Variants in AQR observed in about 807,000 individuals in gnomAD.
AQR encodes the protein RNA helicase aquarius.
In AQR, 61 loss-of-function variants were observed where a neutral mutation model predicts 180.5. That is an observed-to-expected ratio of 0.34 (90% confidence interval 0.28 to 0.42). The LOEUF is 0.42. Among genes scored for constraint, AQR ranks in the 10% least tolerant of loss-of-function variants. AQR has a pLI of 1.00. For missense variants in AQR, 1,281 were observed against 1,798.3 expected, an observed-to-expected ratio of 0.71 and a Z score of 5.20; for synonymous variants, 551 against 588.8, an observed-to-expected ratio of 0.94 and a Z score of 0.93.
chr15:34,893,755 T>C lies in AQR; in HGVS notation c.2479A>G (p.Thr827Ala). The change falls in exon 23 of 35, where the codon ACA (threonine) becomes GCA (alanine). Residue 827 changes from threonine to alanine, a missense_variant. Physicochemically the swap from Thr to Ala is moderately conservative, Grantham distance 58. Around this residue, in one of 9 missense-constraint regions of AQR, gnomAD observed 31 missense variants for 95.5 expected, o/e 0.32. Transcript: ENST00000156471. ...GLTMVVGPPG[T>A]GKTDVAVQII... is the part of the protein sequence containing the mutation. Reference sequence around the variant, plus strand: ...TGAACTGCCACATCTGTTTTGCCTGTACCAGGTGGGCCCACAACCTAAAAA... The same window carrying C: ...TGAACTGCCACATCTGTTTTGCCTGCACCAGGTGGGCCCACAACCTAAAAA... 6.2e-7 allele frequency: 1 copy of C among 1,614,074 alleles called. No homozygotes were observed. Among genetic ancestry groups the C allele is most frequent in the Non-Finnish European group, 8.5e-7 (1 of 1,179,990 alleles).
At position 34,852,689 on chromosome 15, in the gene AQR, T is replaced by C. The variant is rs1348996168; in HGVS notation, c.*4103A>G. 6.6e-6 allele frequency: 1 copy of C among 152,214 alleles called. No individual in the cohort carries two copies. The highest frequency in any genetic ancestry group is 1.5e-5 in the Non-Finnish European group (1 of 68,044). 9.4% of individuals were successfully genotyped at this position (152,214 alleles called of 1,614,324 possible). On this transcript the variant is annotated 3_prime_UTR_variant, in exon 35 of 35. Coordinates refer to ENST00000156471, the MANE Select transcript of AQR (RefSeq NM_014691.3). Reference sequence around the variant, plus strand: ...GAGTCTTTAATTAGCTAACAGTGCATTGTGATTCTGCAAAGGAGGAACAAT... The same window carrying C: ...GAGTCTTTAATTAGCTAACAGTGCACTGTGATTCTGCAAAGGAGGAACAAT...
intron 9 of AQR, among the ~76,000 whole-genome samples, chr15:34,935,099 C>A (rs1195657365): frequency 1.3e-5 from 2 of 152,030 alleles, no homozygotes; most frequent in Non-Finnish European, 2.9e-5. Flanking sequence ...TTAAAGTGCA[C>A]TGAAAATTAG....
intron 10 of AQR, among the ~76,000 whole-genome samples, chr15:34,934,058 C>T (rs962517183): frequency 5.3e-5 from 8 of 151,812 alleles, no homozygotes; most frequent in East Asian, 3.9e-4. Flanking sequence ...GCCTGGGAGG[C>T]GGAGGCTGCA....
At chr15:34,955,210 T>A (rs1438910446) in intron 3 of AQR, among the ~76,000 whole-genome samples, 1 of 152,160 alleles carries the variant, frequency 6.6e-6, no homozygotes, top group Non-Finnish European at 1.5e-5. Context: ...TGGATGGTTA[T>A]TTTTTTAAGT....
In AQR at chr15:34,918,029, C is replaced by T. The variant is rs555785328; in HGVS notation, c.1342+229G>A. Among the ~76,000 whole-genome samples the T allele has an allele frequency of 3.9e-5, 6 of 152,112 alleles. No individual in the cohort carries two copies. The East Asian group carries it at 5.8e-4, about 15-fold the overall frequency. ...CAAAACAGTCTTAGGGCTTTATGGT[C>T]GTATTTTTTACAGGGTGATATGTGT... On this transcript the variant is annotated intron_variant, in intron 15 of 34. Coordinates refer to ENST00000156471, the MANE Select transcript of AQR (RefSeq NM_014691.3).
rs74009746 is a variant in AQR, at chr15:34,855,232, C to G, written c.*1560G>C. Reference sequence around the variant, plus strand: ...CCATATTCAACACAGCCTGGTAGAGCTGAGCAAACACTAGTCACTCAAAAA... The same window carrying G: ...CCATATTCAACACAGCCTGGTAGAGGTGAGCAAACACTAGTCACTCAAAAA... On this transcript the variant is annotated 3_prime_UTR_variant, in exon 35 of 35. Transcript: ENST00000156471. The G allele has an allele frequency of 2.0e-5, 3 of 152,338 alleles. No homozygotes were observed. The highest frequency in any genetic ancestry group is 2.0e-4 in the Admixed American group (3 of 15,308). The allele number at this position is 152,338 out of a possible 1,614,324, so 9.4% of individuals were successfully genotyped here.
intron 1 of AQR, 60 bp downstream of exon 1, chr15:34,969,479 C>A: frequency 6.3e-7 from 1 of 1,588,954 alleles, no homozygotes. Flanking sequence ...ACCCCACCAC[C>A]AGGCCTCGGG....
At chr15:34,968,739 G>A (rs1459835838) in intron 1 of AQR, among the ~76,000 whole-genome samples, 1 of 152,168 alleles carries the variant, frequency 6.6e-6, no homozygotes, top group Non-Finnish European at 1.5e-5. Context: ...CAGAGATGTA[G>A]AACACCAGAT....
At chr15:34,916,574 A>G (rs546212476) in intron 15 of AQR, among the ~76,000 whole-genome samples, 2 of 152,306 alleles carry the variant, frequency 1.3e-5, no homozygotes, top group East Asian at 3.9e-4. Context: ...AAAAATGACA[A>G]CTAAAATGTC....
At position 34,874,753 on chromosome 15, in the gene AQR, G is replaced by A; in HGVS notation, c.3349C>T (p.Gln1117Ter). ...CGAACAAAGCGAGTGAAGAGAGACTGCTCCATGTTTGAGTACTTTTGAAAG... is the reference window on the plus strand; with the variant it reads ...CGAACAAAGCGAGTGAAGAGAGACTACTCCATGTTTGAGTACTTTTGAAAG... ...MAFQKYSNME[Q>*]SLFTRFVRVG... The change falls in exon 29 of 35, where the codon CAG (glutamine) becomes TAG (stop). Residue 1117 changes from glutamine to a stop codon, truncating the protein, a stop_gained. Transcript: ENST00000156471. LOFTEE classifies it high-confidence loss of function. 6.2e-7 allele frequency: 1 copy of A among 1,613,862 alleles called. No individual in the cohort carries two copies. The highest frequency in any genetic ancestry group is 8.5e-7 in the Non-Finnish European group (1 of 1,179,830).
In AQR at chr15:34,964,589, T is replaced by A. The variant is rs1289989432; in HGVS notation, c.76-299A>T. ...CAGTTAATAACCACAGAGCCAAACA[T>A]CTTCAGCATGGCAATAAGGAAACCC... On this transcript the variant is annotated intron_variant, in intron 1 of 34. Transcript: ENST00000156471. The A allele has an allele frequency of 1.4e-5, 6 of 426,024 alleles. No individual in the cohort carries two copies. The East Asian group carries it at 2.9e-4, about 21-fold the overall frequency. 26.4% of individuals were successfully genotyped at this position (426,024 alleles called of 1,614,324 possible).
intron 32 of AQR, among the ~76,000 whole-genome samples, chr15:34,867,189 T>G (rs536380257): frequency 1.3e-5 from 2 of 152,218 alleles, no homozygotes; most frequent in African/African-American, 2.4e-5. Context: ...CAATGAAAAT[T>G]TATTCTGAAG....
intron 32 of AQR, among the ~76,000 whole-genome samples, chr15:34,863,663 C>T (rs1026062147): frequency 3.3e-5 from 5 of 152,220 alleles, no homozygotes; most frequent in Non-Finnish European, 7.4e-5. Flanking sequence ...ACTCAATGTT[C>T]ATATCAACAG....
In AQR at chr15:34,888,063, C is replaced by T. The variant is rs559798002; in HGVS notation, c.2682-1402G>A. On this transcript the variant is annotated intron_variant, in intron 24 of 34. Transcript: ENST00000156471. ...CTGTAATCCCAGCACTTTGGGAGGC[C>T]GAGGCAGGCAGATCACTTGAGGTCA... is the stretch of plus-strand genomic sequence containing the variant. Among the ~76,000 whole-genome samples the T allele has an allele frequency of 1.2e-3, 183 of 152,026 alleles. 1 individual carries two copies. Among genetic ancestry groups the T allele is most frequent in the African/African-American group, 3.4e-4 (14 of 41,468 alleles).
intron 21 of AQR, among the ~76,000 whole-genome samples, chr15:34,897,307 G>A (rs1893260945): frequency 1.3e-5 from 2 of 152,086 alleles, no homozygotes; most frequent in South Asian, 4.1e-4. Context: ...AGAACCCTTT[G>A]CTCAAATTAA....
At chr15:34,899,676 T>TTATATA (rs57273821) in intron 20 of AQR, among the ~76,000 whole-genome samples, 58 of 147,492 alleles carry the variant, frequency 3.9e-4, no homozygotes, top group African/African-American at 1.2e-3. Flanking sequence ...TGGCCTATTA[T>TTATATA]TATATATATA....
rs532888672 is a variant in AQR, at chr15:34,906,251, G to A, written c.1831+294C>T. ...CCGGGCATGGTCGCACGTGCCTATG[G>A]TCCCAGCTACTAGCAGGGCTGAGGC... On this transcript the variant is annotated intron_variant, in intron 18 of 34. Transcript: ENST00000156471. 8.6e-5 allele frequency among the ~76,000 whole-genome samples: 13 copies of A among 152,034 alleles called. No individual in the cohort carries two copies. In the South Asian group the frequency reaches 1.7e-3, roughly 19 times the overall value.
intron 14 of AQR, among the ~76,000 whole-genome samples, chr15:34,919,448 A>T (rs1893649946): frequency 6.6e-6 from 1 of 152,196 alleles, no homozygotes; most frequent in Non-Finnish European, 1.5e-5. Context: ...CCTTTAGGGA[A>T]GGGAGGAAAC....
intron 16 of AQR, among the ~76,000 whole-genome samples, chr15:34,913,273 T>C (rs1207228195): frequency 6.6e-6 from 1 of 152,178 alleles, no homozygotes; most frequent in Non-Finnish European, 1.5e-5. Context: ...ACTTGAAGCA[T>C]TAAAAAGTAT....
Sources: gnomAD v4.1 joint callset for allele counts (sites outside exome capture counted in the v4.1 genomes callset) on GRCh38, gnomAD v4.1.1 for gene constraint, gnomAD v4.1.1 regional missense constraint, MANE v1.5 for transcripts, NCBI Gene and HGNC (gene_info 2026-07-23, HGNC 2026-07-21) for gene names.